PCSK2: variants seen among roughly 807,000 people sequenced by gnomAD.
PCSK2 encodes proprotein convertase subtilisin/kexin type 2, also known as neuroendocrine convertase 2.
In PCSK2, 14 loss-of-function variants were observed where a neutral mutation model predicts 69.7. The observed-to-expected ratio is 0.20, with a 90% confidence interval of 0.13 to 0.31. The LOEUF (loss-of-function observed/expected upper bound fraction) is 0.31. Among genes scored for constraint, PCSK2 ranks in the 10% least tolerant of loss-of-function variants. The pLI, the probability that PCSK2 is intolerant of heterozygous loss-of-function variation, is 1.00. For missense variants in PCSK2, 544 were observed against 842.5 expected (o/e 0.65, Z 4.39); for synonymous variants, 307 against 320.7 (o/e 0.96, Z 0.46).
intron 2 of PCSK2, among the ~76,000 whole-genome samples, chr20:17,283,631 C>G (rs1269946519): frequency 1.3e-5 from 2 of 152,220 alleles, no homozygotes; most frequent in Non-Finnish European, 2.9e-5. Context: ...ATCTCTCACT[C>G]AAGCCAGCAT....
intron 1 of PCSK2, among the ~76,000 whole-genome samples, chr20:17,236,667 C>T (rs1986351129): frequency 6.6e-6 from 1 of 152,076 alleles, no homozygotes; most frequent in Non-Finnish European, 1.5e-5. Flanking sequence ...TTTATCAGAA[C>T]TTCAATTACA....
intron 2 of PCSK2, among the ~76,000 whole-genome samples, chr20:17,289,222 G>A (rs1005146669): frequency 1.3e-5 from 2 of 152,178 alleles, no homozygotes; most frequent in African/African-American, 4.8e-5. Flanking sequence ...CTAGGTTGAA[G>A]AGCAAAATGA....
At chr20:17,346,630 A>T (rs1012045920) in intron 2 of PCSK2, among the ~76,000 whole-genome samples, 1 of 152,204 alleles carries the variant, frequency 6.6e-6, no homozygotes. Context: ...ATTGAGAGGA[A>T]CATGTCATTT....
In PCSK2 at chr20:17,443,603, C is replaced by T. The variant is rs368545793; in HGVS notation, c.885+6720C>T. Among the ~76,000 whole-genome samples the T allele has an allele frequency of 7.2e-5, 11 of 152,232 alleles. No homozygotes were observed. The South Asian group carries it at 2.3e-3, about 32-fold the overall frequency. On this transcript the variant is annotated intron_variant, in intron 8 of 11. Transcript: ENST00000262545. ...TTGACACCTGAGGCCAAAAGAGAGT[C>T]GGGAAGGTAGGAGATGTGTGCCCTC...
chr20:17,385,321 G>C (rs2031206408), intron 5 of PCSK2, among the ~76,000 whole-genome samples: 1 of 152,212 alleles, frequency 6.6e-6, no homozygotes, highest in Non-Finnish European at 1.5e-5. Context: ...CCTTCTAGCA[G>C]TGTGACATCT....
chr20:17,372,837 C>T (rs1198670523), intron 5 of PCSK2, among the ~76,000 whole-genome samples: 1 of 152,234 alleles, frequency 6.6e-6, no homozygotes, highest in East Asian at 1.9e-4. Flanking sequence ...GTGTAGAGTT[C>T]AGAGTGGCAA....
At chr20:17,369,424 A>ATAT in intron 5 of PCSK2, 147 bp downstream of exon 5, 1 of 719,802 alleles carries the variant, frequency 1.4e-6, no homozygotes, top group South Asian at 1.5e-5. Context: ...ACAGGAGTAC[A>ATAT]GCTGCTGGAA....
At chr20:17,352,432 TACCC>T (rs1180057497) in intron 2 of PCSK2, among the ~76,000 whole-genome samples, 8 of 152,184 alleles carry the variant, frequency 5.3e-5, no homozygotes, top group African/African-American at 1.9e-4. Context: ...GGCATTGCAT[TACCC>T]AATGTCATAT....
intron 6 of PCSK2, among the ~76,000 whole-genome samples, chr20:17,414,849 G>A (rs1245863084): frequency 6.6e-6 from 1 of 152,210 alleles, no homozygotes; most frequent in East Asian, 1.9e-4. Context: ...GATCAAGTCA[G>A]CTTCATCCCT....
chr20:17,378,081 TTGGG>T (rs1417647528), intron 5 of PCSK2, among the ~76,000 whole-genome samples: 9 of 152,202 alleles, frequency 5.9e-5, no homozygotes, highest in Non-Finnish European at 1.3e-4. Context: ...GTCCCTGACC[TTGGG>T]GGGTTCACAT....
chr20:17,398,758 G>GT (rs368307941), intron 5 of PCSK2, among the ~76,000 whole-genome samples: 72 of 143,874 alleles, frequency 5.0e-4, no homozygotes, highest in Admixed American at 7.7e-4. Context: ...TTGGAGGTTT[G>GT]TTTTTTTTTT....
intron 5 of PCSK2, among the ~76,000 whole-genome samples, chr20:17,394,874 G>T (rs2031474818): frequency 6.6e-6 from 1 of 152,094 alleles, no homozygotes; most frequent in Non-Finnish European, 1.5e-5. Flanking sequence ...CAAGTTTTTT[G>T]GCTTCAAAAC....
chr20:17,260,109 G>A (rs1461561701), intron 1 of PCSK2, 131 bp from the exon 2 acceptor site: 2 of 676,244 alleles, frequency 3.0e-6, no homozygotes, highest in African/African-American at 1.8e-5. Flanking sequence ...ACTGACAGGA[G>A]GTTTGCCAGT....
intron 2 of PCSK2, among the ~76,000 whole-genome samples, chr20:17,273,293 G>A (rs1175916785): frequency 6.6e-6 from 1 of 151,892 alleles, no homozygotes; most frequent in Non-Finnish European, 1.5e-5. Flanking sequence ...ATGTGACATG[G>A]GCAAGTCATT....
At chr20:17,440,924 C>T (rs967549238) in intron 8 of PCSK2, among the ~76,000 whole-genome samples, 4 of 151,822 alleles carry the variant, frequency 2.6e-5, no homozygotes, top group African/African-American at 7.3e-5. Flanking sequence ...CAGGCAAGAC[C>T]TCATAGTGCC....
chr20:17,346,936 C>T (rs1247739947), intron 2 of PCSK2, among the ~76,000 whole-genome samples: 6 of 152,132 alleles, frequency 3.9e-5, no homozygotes, highest in Admixed American at 3.9e-4. Context: ...CATCTTTGAT[C>T]CCTCCCTAAT....
chr20:17,479,297 T>C, intron 11 of PCSK2: 1 of 866,340 alleles, frequency 1.2e-6, no homozygotes, highest in Non-Finnish European at 2.0e-6. Flanking sequence ...CCACTATGCT[T>C]GCGGTCCACT....
intron 2 of PCSK2, among the ~76,000 whole-genome samples, chr20:17,324,109 T>C (rs1989963846): frequency 6.6e-6 from 1 of 152,254 alleles, no homozygotes; most frequent in South Asian, 2.1e-4. Context: ...GATTGACACC[T>C]AGTTGTGGAC....
At chr20:17,305,849 C>T (rs567991765) in intron 2 of PCSK2, among the ~76,000 whole-genome samples, 2 of 152,226 alleles carry the variant, frequency 1.3e-5, no homozygotes, top group East Asian at 1.9e-4. Flanking sequence ...TTAATCAAAC[C>T]TTTGCAGGTT....
Sources: gnomAD v4.1 joint callset for allele counts (sites outside exome capture counted in the v4.1 genomes callset) on GRCh38, gnomAD v4.1.1 for gene constraint, MANE v1.5 for transcripts, NCBI Gene and HGNC (gene_info 2026-07-23, HGNC 2026-07-21) for gene names.